ABR: variants seen among roughly 807,000 people sequenced by gnomAD.
The protein encoded by ABR is active breakpoint cluster region-related protein.
A neutral mutation model predicts 107.2 loss-of-function variants in ABR; 35 were observed. The observed-to-expected ratio is 0.33, with a 90% CI of 0.25 to 0.43. The LOEUF (loss-of-function observed/expected upper bound fraction) is 0.43, where lower values mean the gene tolerates loss of function less well. Ranked by LOEUF, ABR falls within the 20% of genes least tolerant of loss-of-function variation. ABR has a pLI of 1.00. For missense variants in ABR, 815 were observed against 1,115.2 expected, an observed-to-expected ratio of 0.73 and a Z score of 3.83; for synonymous variants, 498 against 462.0, an observed-to-expected ratio of 1.08 and a Z score of -1.00.
rs537605430 is a variant in ABR at position 1,208,660 on chromosome 17, G to A, written c.838+20133C>T. 7.9e-5 allele frequency among the ~76,000 whole-genome samples: 12 copies of A among 152,260 alleles called. No individual in the cohort carries two copies. The South Asian group carries it at 2.1e-3, about 26-fold the overall frequency. On this transcript the variant is annotated intron_variant, in intron 1 of 22. Transcript: ENST00000574139. ...TCCCAGCACTTTGGGAGGCCGAGGC[G>A]GGCGGATCACGAGGTCGGGAGATCG... is the stretch of plus-strand genomic sequence containing the variant.
At chr17:1,106,006 G>C (rs78264237) in intron 2 of ABR, among the ~76,000 whole-genome samples, 1,979 of 152,262 alleles carry the variant, frequency 0.013, 48 homozygotes, top group African/African-American at 0.045. Context: ...TCTTTAAATA[G>C]AATGGCATGA....
At chr17:1,158,503 C>T (rs1359239318) in intron 1 of ABR, among the ~76,000 whole-genome samples, 1 of 151,830 alleles carries the variant, frequency 6.6e-6, no homozygotes, top group African/African-American at 2.4e-5. Context: ...TGGCTCACAC[C>T]TGTAATCCCA....
intron 1 of ABR, among the ~76,000 whole-genome samples, chr17:1,172,561 C>G (rs1183781083): frequency 6.6e-6 from 1 of 152,062 alleles, no homozygotes; most frequent in Non-Finnish European, 1.5e-5. Flanking sequence ...CCATCCTGGC[C>G]AACATGGTGA....
intron 16 of ABR, among the ~76,000 whole-genome samples, chr17:1,035,681 G>A (rs760392534): frequency 7.7e-5 from 6 of 78,196 alleles, no homozygotes; most frequent in Non-Finnish European, 5.0e-5. Flanking sequence ...AGACTCCCCC[G>A]GCTGGATAAA....
chr17:1,047,906 G>C (rs1302760536), intron 16 of ABR, among the ~76,000 whole-genome samples: 1 of 152,302 alleles, frequency 6.6e-6, no homozygotes, highest in Admixed American at 6.5e-5. Context: ...CTGAGTTCTC[G>C]AGGGGCTGGG....
upstream of ABR, among the ~76,000 whole-genome samples, chr17:1,183,253 G>T (rs73277395): frequency 0.066 from 10,077 of 152,028 alleles, 496 homozygotes; most frequent in East Asian, 0.13. Flanking sequence ...CCTCCTCCAG[G>T]CCCCTTCTAA....
rs1295032531 is a variant in ABR, at chr17:1,150,733, A to C, written c.62-25366T>G. On this transcript the variant is annotated intron_variant, in intron 1 of 22. Transcript: ENST00000302538. The surrounding 1 kb of genome is among the most constrained non-coding windows in gnomAD (Gnocchi z 4.8). ...TAAACCAGAGGCAACAGGGCACCCC[A>C]CCCACTGGGAACCACGCGAGCAGGG... Among the ~76,000 whole-genome samples the C allele has an allele frequency of 6.6e-6, 1 of 152,088 alleles. No homozygotes were observed. The highest frequency in any genetic ancestry group is 1.5e-5 in the Non-Finnish European group (1 of 68,016).
intron 1 of ABR, among the ~76,000 whole-genome samples, chr17:1,127,656 G>A (rs1203048379): frequency 6.6e-6 from 1 of 152,172 alleles, no homozygotes; most frequent in Non-Finnish European, 1.5e-5. Context: ...GGGAAAATAA[G>A]CAATAGTGGA....
chr17:1,043,374 G>A (rs531067346), intron 16 of ABR, among the ~76,000 whole-genome samples: 18 of 152,026 alleles, frequency 1.2e-4, no homozygotes, highest in African/African-American at 4.3e-4. Context: ...TCACCATGTT[G>A]GCCAGGCTGG....
In ABR at chr17:1,154,726, C is replaced by T. The variant is rs796728193; in HGVS notation, c.61+24941G>A. ...CAAGAGCTTGGCAATGCCGTGTCCT[C>T]AGGGCTCCGGCGCCTACCCATGGAT... On this transcript the variant is annotated intron_variant, in intron 1 of 22. Transcript: ENST00000302538. This position sits in a 1 kb window ranked among gnomAD's most constrained non-coding sequence, Gnocchi z 4.0. 2.5e-4 allele frequency: 38 copies of T among 152,170 alleles called. 3 individuals carry two copies. Among genetic ancestry groups the T allele is most frequent in the African/African-American group, 9.2e-4 (38 of 41,508 alleles). The allele number at this position is 152,170 out of a possible 1,614,324, so 9.4% of individuals were successfully genotyped here.
chr17:1,080,486 G>C (rs1263249203), intron 5 of ABR, among the ~76,000 whole-genome samples: 1 of 152,158 alleles, frequency 6.6e-6, no homozygotes, highest in Non-Finnish European at 1.5e-5. Flanking sequence ...GGAGCACACG[G>C]AGCCTCAAAG....
chr17:1,012,903 T>C, intron 17 of ABR, 106 bp from the exon 18 acceptor site: 1 of 1,108,430 alleles, frequency 9.0e-7, no homozygotes, highest in Non-Finnish European at 1.3e-6. Context: ...GAGGGCTAGC[T>C]CACACCCAGG....
rs34146750 is a variant in ABR at position 1,078,104 on chromosome 17, G to GGTGTGTGTGT, written c.700+1216_700+1225dup. On this transcript the variant is annotated intron_variant, in intron 6 of 22. Coordinates refer to ENST00000302538, the MANE Select transcript of ABR (RefSeq NM_021962.5). This position sits in a 1 kb window ranked among gnomAD's most constrained non-coding sequence, Gnocchi z 7.5. ...GTCCGGGTCCCTTCCACCGAAAGGT[G>GGTGTGTGTGT]GTGTGTGTGTGTGTGTGTGTGTGTG... Among the ~76,000 whole-genome samples the GGTGTGTGTGT allele has an allele frequency of 1.3e-5, 2 of 148,400 alleles. No homozygotes were observed. The highest frequency in any genetic ancestry group is 2.1e-4 in the South Asian group (1 of 4,652).
intron 2 of ABR, among the ~76,000 whole-genome samples, chr17:1,102,028 C>T (rs985860007): frequency 7.9e-5 from 12 of 152,124 alleles, no homozygotes; most frequent in African/African-American, 2.9e-4. Context: ...CCACCGCACC[C>T]TGCCGGAAAG....
intron 3 of ABR, among the ~76,000 whole-genome samples, chr17:1,097,577 C>G (rs958409795): frequency 6.8e-5 from 7 of 103,608 alleles, no homozygotes; most frequent in African/African-American, 2.2e-4. Context: ...GGCAACAGAG[C>G]AAGACTCCGT....
chr17:1,165,980 C>G (rs1443407879), intron 1 of ABR, among the ~76,000 whole-genome samples: 3 of 151,822 alleles, frequency 2.0e-5, no homozygotes, highest in Non-Finnish European at 4.4e-5. Context: ...GCTCCCACCC[C>G]CCGGAGTGTC....
intron 1 of ABR, among the ~76,000 whole-genome samples, chr17:1,225,165 AAAAG>A (rs1187438025): frequency 7.1e-6 from 1 of 141,300 alleles, no homozygotes; most frequent in Non-Finnish European, 1.5e-5. Context: ...AAAAAAAAAG[AAAAG>A]AAAAGAAAGA....
At chr17:1,223,407 C>G (rs1005916710) in intron 1 of ABR, among the ~76,000 whole-genome samples, 3 of 151,902 alleles carry the variant, frequency 2.0e-5, no homozygotes, top group African/African-American at 7.3e-5. Flanking sequence ...ATTTAATCTT[C>G]GTAACTATCC....
rs537662768 is a variant in ABR at position 1,141,764 on chromosome 17, C to A, written c.62-16397G>T. Among the ~76,000 whole-genome samples the A allele has an allele frequency of 2.0e-5, 3 of 146,420 alleles. No individual in the cohort carries two copies. In the East Asian group the frequency reaches 6.0e-4, roughly 29 times the overall value. On this transcript the variant is annotated intron_variant, in intron 1 of 22. Transcript: ENST00000302538. ...TGGTGGACTAGTTACGACTTAAATT[C>A]TTTTTTTTTTTGGAGACAGAGTCTT...
Sources: gnomAD v4.1 joint callset for allele counts (sites outside exome capture counted in the v4.1 genomes callset) on GRCh38, gnomAD v4.1.1 for gene constraint, Gnocchi (gnomAD v3.1) non-coding constraint, MANE v1.5 for transcripts, NCBI Gene and HGNC (gene_info 2026-07-23, HGNC 2026-07-21) for gene names.